NPHP1: variants seen among roughly 807,000 people sequenced by gnomAD.
NPHP1 encodes nephrocystin-1.
In NPHP1, 70 loss-of-function variants were observed where a neutral mutation model predicts 90.4. That is an observed-to-expected ratio of 0.77 (90% CI 0.64 to 0.95). The LOEUF (loss-of-function observed/expected upper bound fraction) is 0.95, where lower values mean the gene tolerates loss of function less well. Ranked by LOEUF, NPHP1 falls within the 40% of genes least tolerant of loss-of-function variation. The probability of loss-of-function intolerance (pLI) is 0.00; values close to 1 mark genes in which losing one functional copy is unlikely to be tolerated. For synonymous variants in NPHP1, 256 were observed against 271.7 expected (o/e 0.94, Z 0.57); for missense variants, 764 against 795.9 (o/e 0.96, Z 0.48).
At chr2:110,204,756 GT>G in intron 1 of NPHP1, 143 bp downstream of exon 1, 1 of 787,618 alleles carries the variant, frequency 1.3e-6, no homozygotes, top group Middle Eastern at 3.5e-4. Flanking sequence ...ATGTTATGGG[GT>G]AAGGGGGCGT....
chr2:110,146,097 T>A (rs1681025634), intron 14 of NPHP1, among the ~76,000 whole-genome samples: 2 of 152,334 alleles, frequency 1.3e-5, no homozygotes, highest in East Asian at 1.9e-4. Flanking sequence ...CAAAATTTTA[T>A]AATCCAAATT....
intron 19 of NPHP1, chr2:110,125,013 T>C (rs1679247805): frequency 6.1e-6 from 3 of 494,990 alleles, no homozygotes; most frequent in Non-Finnish European, 6.8e-6. Context: ...TAAAGTTTTA[T>C]AGGAAAACAG....
intron 11 of NPHP1, among the ~76,000 whole-genome samples, chr2:110,150,813 G>A (rs963727650): frequency 6.7e-6 from 1 of 150,220 alleles, no homozygotes; most frequent in African/African-American, 2.4e-5. Flanking sequence ...GCCTCCCAAA[G>A]TGCTGGGATT....
intron 16 of NPHP1, among the ~76,000 whole-genome samples, chr2:110,138,969 C>G (rs114288991): frequency 6.6e-6 from 1 of 151,846 alleles, no homozygotes; most frequent in Non-Finnish European, 1.5e-5. Flanking sequence ...AAACTTAAGA[C>G]GAATAGAAAG....
At chr2:110,163,625 T>C (rs1227288926) in intron 8 of NPHP1, 2 of 161,582 alleles carry the variant, frequency 1.2e-5, no homozygotes, top group Non-Finnish European at 2.7e-5. Context: ...TGATTACTTA[T>C]GAGTTTGAGG....
intron 10 of NPHP1, 137 bp downstream of exon 10, chr2:110,161,466 A>G (rs1390636653): frequency 3.2e-6 from 2 of 624,644 alleles, no homozygotes; most frequent in African/African-American, 3.7e-5. Flanking sequence ...TTATAAAAAT[A>G]TCGCTATTTT....
intron 18 of NPHP1, chr2:110,126,381 C>G (rs1679370283): frequency 6.6e-6 from 1 of 152,642 alleles, no homozygotes; most frequent in Non-Finnish European, 1.5e-5. Flanking sequence ...TCAGACCTTT[C>G]TCAGCAGGGA....
intron 4 of NPHP1, among the ~76,000 whole-genome samples, chr2:110,172,253 C>G (rs1027907042): frequency 6.6e-6 from 1 of 151,922 alleles, no homozygotes; most frequent in Non-Finnish European, 1.5e-5. Context: ...TTTTCTCTCT[C>G]TCTTTTCTTG....
chr2:110,183,865 C>T (rs907477857), intron 2 of NPHP1, among the ~76,000 whole-genome samples: 1 of 152,116 alleles, frequency 6.6e-6, no homozygotes, highest in Non-Finnish European at 1.5e-5. Flanking sequence ...CTACTCATCA[C>T]CACAAGGCAC....
At chr2:110,150,036 A>G in intron 12 of NPHP1, 146 bp downstream of exon 12, 1 of 727,932 alleles carries the variant, frequency 1.4e-6, no homozygotes, top group Non-Finnish European at 2.5e-6. Context: ...AGTCAGAAAC[A>G]TGAGTAATTT....
chr2:110,178,333 C>A, intron 4 of NPHP1, 90 bp downstream of exon 4: 1 of 1,238,712 alleles, frequency 8.1e-7, no homozygotes, highest in Admixed American at 1.7e-5. Context: ...TTGTTTATAT[C>A]TATACTGCTA....
At chr2:110,177,761 T>C (rs1178847349) in intron 4 of NPHP1, among the ~76,000 whole-genome samples, 1 of 150,756 alleles carries the variant, frequency 6.6e-6, no homozygotes, top group Non-Finnish European at 1.5e-5. Flanking sequence ...TTTTTTTTAA[T>C]AGAGACAGTG....
intron 2 of NPHP1, among the ~76,000 whole-genome samples, chr2:110,200,871 T>C (rs1685533053): frequency 2.0e-5 from 3 of 152,296 alleles, no homozygotes; most frequent in East Asian, 1.9e-4. Context: ...CTTAAATTAA[T>C]AGAATGAATC....
intron 2 of NPHP1, among the ~76,000 whole-genome samples, chr2:110,180,380 G>T (rs1389444355): frequency 6.9e-6 from 1 of 144,838 alleles, no homozygotes; most frequent in Non-Finnish European, 1.5e-5. Flanking sequence ...CTCATGATGA[G>T]ATTTTTTTAA....
At chr2:110,125,870 ATGTATC>A (rs1440106666) in intron 18 of NPHP1, 189 bp from the exon 19 acceptor site, 2 of 616,174 alleles carry the variant, frequency 3.2e-6, no homozygotes, top group African/African-American at 3.7e-5. Context: ...GACCAGGCAG[ATGTATC>A]TGTGAAAAAT....
At chr2:110,153,412 C>T (rs1332228441) in intron 11 of NPHP1, among the ~76,000 whole-genome samples, 4 of 152,090 alleles carry the variant, frequency 2.6e-5, no homozygotes, top group Non-Finnish European at 5.9e-5. Flanking sequence ...TACTATGGAT[C>T]TTCTTTCAGG....
chr2:110,199,290 C>T (rs1375047686), intron 2 of NPHP1, among the ~76,000 whole-genome samples: 3 of 151,658 alleles, frequency 2.0e-5, no homozygotes, highest in Non-Finnish European at 4.4e-5. Flanking sequence ...AAAAATTAGC[C>T]GAGTGTGATG....
At position 110,146,775 on chromosome 2, in the gene NPHP1, T is replaced by C; in HGVS notation, c.1330A>G (p.Ser444Gly). ...TACTTTGCTGGAATAGGAACTCCACTGGCATCAAAAAGTTTAAGAAACACC... is the reference window on the plus strand; with the variant it reads ...TACTTTGCTGGAATAGGAACTCCACCGGCATCAAAAAGTTTAAGAAACACC... The part of the protein sequence containing the change: ...GWVFLKLFDA[S>G]GVPIPAKTYE... Residue 444 changes from serine (S) to glycine (G), a missense_variant, in exon 14 of 20, where the codon AGT becomes GGT. By Grantham distance (56) the Ser-to-Gly change is moderately conservative. Transcript: ENST00000445609. 3 of 1,612,860 alleles carry C rather than the reference T, an allele frequency of 1.9e-6. No homozygotes were observed. The highest frequency in any genetic ancestry group is 4.5e-5 in the East Asian group (2 of 44,850).
intron 2 of NPHP1, among the ~76,000 whole-genome samples, chr2:110,183,487 T>C (rs1316504430): frequency 6.6e-6 from 1 of 152,184 alleles, no homozygotes. Flanking sequence ...TTGCTGTCAA[T>C]AAATATGTGG....
Sources: gnomAD v4.1 joint callset for allele counts (sites outside exome capture counted in the v4.1 genomes callset) on GRCh38, gnomAD v4.1.1 for gene constraint, MANE v1.5 for transcripts, NCBI Gene and HGNC (gene_info 2026-07-23, HGNC 2026-07-21) for gene names.